The following SLC36A1 variants were observed in gnomAD, a reference collection of about 807,000 sequenced individuals.
SLC36A1 encodes solute carrier family 36 member 1.
In SLC36A1, 30 loss-of-function variants were observed where a neutral mutation model predicts 47.5. The ratio of observed to expected loss-of-function variants is 0.63; its 90% CI spans 0.47 to 0.86. SLC36A1 has a LOEUF of 0.86. Among genes scored for constraint, SLC36A1 ranks in the 40% least tolerant of loss-of-function variants. The pLI is 0.00. For synonymous variants in SLC36A1, 255 were observed against 249.7 expected, an observed-to-expected ratio of 1.02 and a Z score of -0.20; for missense variants, 517 against 606.0, an observed-to-expected ratio of 0.85 and a Z score of 1.54.
At chr5:151,390,024 C>A in the SLC36A1 span, among the ~76,000 whole-genome samples, 1 of 152,218 alleles carries the variant, frequency 6.6e-6, no homozygotes, top group African/African-American at 2.4e-5. Context: ...ACAGTCCCAC[C>A]AACAGTGTAA....
rs1282426720 is a variant in SLC36A1 at position 151,463,646 on chromosome 5, A to C, written c.234+3A>C. ...CGGTGAAAAATGCAGGCATCGTGGT[A>C]AGGGTCTGCATCAGTGGAGAGGAGT... On this transcript the variant is annotated splice_donor_region_variant and intron_variant, in intron 3 of 10. Coordinates refer to ENST00000243389, the MANE Select transcript of SLC36A1 (RefSeq NM_078483.4). 1 of 1,612,924 alleles carries C rather than the reference A, an allele frequency of 6.2e-7. No individual in the cohort carries two copies. Among genetic ancestry groups the C allele is most frequent in the Non-Finnish European group, 8.5e-7 (1 of 1,178,888 alleles).
the SLC36A1 span, chr5:151,543,787 T>C: frequency 1.9e-6 from 3 of 1,613,934 alleles, no homozygotes; most frequent in Non-Finnish European, 2.5e-6. Flanking sequence ...GTAAGAAGAG[T>C]CCAGGTGCTT....
At chr5:151,434,691 G>A (rs1236493279), upstream of SLC36A1, among the ~76,000 whole-genome samples, 1 of 152,174 alleles carries the variant, frequency 6.6e-6, no homozygotes. Context: ...AGGTAATTAG[G>A]TCATGAGGTA....
At chr5:151,551,347 T>C in the SLC36A1 span, 1 of 1,056,406 alleles carries the variant, frequency 9.5e-7, no homozygotes, top group East Asian at 2.4e-5. Context: ...AGAACTTTGA[T>C]TCTAAATTCA....
the SLC36A1 span, among the ~76,000 whole-genome samples, chr5:151,398,237 G>A: frequency 0.16 from 23,826 of 152,078 alleles, 2,153 homozygotes; most frequent in East Asian, 0.37. Flanking sequence ...CCATGGGTAA[G>A]GACTATCATC....
At chr5:151,547,548 A>G in the SLC36A1 span, among the ~76,000 whole-genome samples, 1 of 152,226 alleles carries the variant, frequency 6.6e-6, no homozygotes, top group African/African-American at 2.4e-5. Context: ...GCAAATGGCT[A>G]AGTTTTGTCA....
chr5:151,442,675 T>C (rs1247682388), upstream of SLC36A1, among the ~76,000 whole-genome samples: 1 of 152,230 alleles, frequency 6.6e-6, no homozygotes, highest in Non-Finnish European at 1.5e-5. Context: ...ACCTCTGTTC[T>C]ACTGTTTGTA....
intron 8 of SLC36A1, among the ~76,000 whole-genome samples, chr5:151,474,182 A>G (rs1757743507): frequency 7.2e-6 from 1 of 138,514 alleles, no homozygotes. Flanking sequence ...AAAAAAAAGA[A>G]ATTATCTTCT....
At chr5:151,387,824 T>C in the SLC36A1 span, among the ~76,000 whole-genome samples, 2 of 152,160 alleles carry the variant, frequency 1.3e-5, no homozygotes, top group Non-Finnish European at 2.9e-5. Context: ...CCTTTTTTCT[T>C]CTCTTGCGCA....
chr5:151,480,611 A>G (rs1189206850), intron 10 of SLC36A1, among the ~76,000 whole-genome samples: 5 of 152,232 alleles, frequency 3.3e-5, no homozygotes, highest in Non-Finnish European at 7.3e-5. Context: ...AAAAGAAGGA[A>G]CATGATGTAT....
At chr5:151,460,774 A>G (rs1269123379) in intron 2 of SLC36A1, among the ~76,000 whole-genome samples, 1 of 150,882 alleles carries the variant, frequency 6.6e-6, no homozygotes, top group Non-Finnish European at 1.5e-5. Flanking sequence ...GAAGTGTTAG[A>G]GACAAGTTTT....
At chr5:151,479,533 G>A (rs1272298470) in intron 10 of SLC36A1, 44 bp downstream of exon 10, 5 of 1,594,946 alleles carry the variant, frequency 3.1e-6, no homozygotes, top group Non-Finnish European at 4.3e-6. Flanking sequence ...TTCCCTAAAG[G>A]GCACCCAGTC....
chr5:151,554,838 C>T, the SLC36A1 span, among the ~76,000 whole-genome samples: 1 of 152,044 alleles, frequency 6.6e-6, no homozygotes, highest in Non-Finnish European at 1.5e-5. Flanking sequence ...AACTTTGCCC[C>T]TGGGAAAGCC....
the SLC36A1 span, among the ~76,000 whole-genome samples, chr5:151,404,051 G>A: frequency 6.6e-6 from 1 of 152,146 alleles, no homozygotes; most frequent in South Asian, 2.1e-4. Context: ...GTGGCTAAGT[G>A]TTTTCATAGG....
At chr5:151,398,344 C>T in the SLC36A1 span, among the ~76,000 whole-genome samples, 1 of 152,172 alleles carries the variant, frequency 6.6e-6, no homozygotes, top group Non-Finnish European at 1.5e-5. Flanking sequence ...CCAGGAAGAG[C>T]ACCATCCCAA....
the SLC36A1 span, among the ~76,000 whole-genome samples, chr5:151,384,774 C>T: frequency 6.6e-6 from 1 of 152,132 alleles, no homozygotes; most frequent in Admixed American, 6.5e-5. Flanking sequence ...ATATGCAACC[C>T]TCAAACCTCT....
intron 1 of SLC36A1, among the ~76,000 whole-genome samples, chr5:151,439,223 C>G (rs1752478955): frequency 6.6e-6 from 1 of 152,134 alleles, no homozygotes; most frequent in Non-Finnish European, 1.5e-5. Context: ...CACTAATGAT[C>G]CAATCACTTG....
chr5:151,485,925 A>G (rs1220718962), intron 10 of SLC36A1, among the ~76,000 whole-genome samples: 2 of 152,192 alleles, frequency 1.3e-5, no homozygotes, highest in African/African-American at 2.4e-5. Flanking sequence ...ATTCATTTCA[A>G]TGTAAATAGC....
chr5:151,458,318 A>G lies in SLC36A1; in HGVS notation c.-5-470A>G, dbSNP rs960631769. On this transcript the variant is annotated intron_variant, in intron 1 of 10. Transcript: ENST00000243389. The stretch of plus-strand genomic sequence containing the variant: ...TACATACACGTGTATATACGTATAT[A>G]TATATATATATATATGGGATATTTA... Among the ~76,000 whole-genome samples the G allele has an allele frequency of 2.2e-3, 288 of 131,290 alleles. 5 individuals carry two copies. Among genetic ancestry groups the G allele is most frequent in the African/African-American group, 8.0e-3 (252 of 31,436 alleles). The allele number at this position is 131,290 out of a possible 152,430, so 86.1% of individuals were successfully genotyped here. A position where few individuals can be genotyped will look rare whatever the true frequency, so the allele number is the denominator to read the frequency against.
Sources: gnomAD v4.1 joint callset for allele counts (sites outside exome capture counted in the v4.1 genomes callset) on GRCh38, gnomAD v4.1.1 for gene constraint, MANE v1.5 for transcripts, NCBI Gene and HGNC (gene_info 2026-07-23, HGNC 2026-07-21) for gene names.